DNAAF3: variants seen among roughly 807,000 people sequenced by gnomAD.
The protein encoded by DNAAF3 is dynein axonemal assembly factor 3, also known as UPF0470 protein C19orf51.
DNAAF3 carries 40 observed loss-of-function variants against 50.9 expected under a neutral mutation model. That is an observed-to-expected ratio of 0.79 (90% CI 0.61 to 1.02). The LOEUF (loss-of-function observed/expected upper bound fraction) is 1.02, where lower values mean the gene tolerates loss of function less well. Among genes scored for constraint, DNAAF3 ranks in the 50% least tolerant of loss-of-function variants. The pLI is 0.00. For missense variants in DNAAF3, 763 were observed against 744.7 expected (o/e 1.02, Z -0.29); for synonymous variants, 327 against 322.8 (o/e 1.01, Z -0.14).
intron 4 of DNAAF3, among the ~76,000 whole-genome samples, chr19:55,164,463 C>T (rs1025126110): frequency 1.1e-4 from 16 of 152,200 alleles, no homozygotes; most frequent in African/African-American, 3.4e-4. Flanking sequence ...ATCTGGGCAA[C>T]GGGACAAGAC....
intron 10 of DNAAF3, 123 bp from the exon 11 acceptor site, chr19:55,159,730 G>A: frequency 1.3e-6 from 2 of 1,575,194 alleles, no homozygotes; most frequent in Non-Finnish European, 1.7e-6. Context: ...CCTGGGGAAA[G>A]AAGGGAGCAG....
rs1254994795 is a variant in DNAAF3, at chr19:55,163,011, T to C, written c.323-721A>G. ...CTTTTCTTTTTCTTTTTTTTTTTTT[T>C]TTTTTTTTTTTTTTTTGAGACGGAG... On this transcript the variant is annotated intron_variant, in intron 4 of 11. Coordinates refer to ENST00000524407, the MANE Select transcript of DNAAF3 (RefSeq NM_001256715.2). 4.6e-3 allele frequency among the ~76,000 whole-genome samples: 512 copies of C among 111,586 alleles called. 4 individuals are homozygous for C. The highest frequency in any genetic ancestry group is 0.017 in the Middle Eastern group (4 of 240). 73.2% of individuals were successfully genotyped at this position (111,586 alleles called of 152,430 possible).
In DNAAF3 at chr19:55,161,768, C is replaced by T. The variant is rs924573034; in HGVS notation, c.538G>A (p.Gly180Arg). The T allele has an allele frequency of 2.0e-6, 3 of 1,510,332 alleles. No individual in the cohort carries two copies. The highest frequency in any genetic ancestry group is 2.2e-5 in the Admixed American group (1 of 46,408). The allele number at this position is 1,510,332 out of a possible 1,614,324, so 93.6% of individuals were successfully genotyped here. ...VFRFWAGGEK[G>R]PQAFPMSRLW... is the part of the protein sequence containing the mutation. ...CGGCTCATGGGGAACGCCTGGGGCC[C>T]TTTCTCGCCGCCAGCCCAGAAGCGG... The change falls in exon 6 of 12, where the codon GGG (glycine) becomes AGG (arginine). Residue 180 changes from glycine to arginine, a missense_variant. Transcript: ENST00000524407. This position sits in a 1 kb window ranked among gnomAD's most constrained non-coding sequence, Gnocchi z 6.4.
chr19:55,164,166 G>A (rs1015481200), intron 4 of DNAAF3, among the ~76,000 whole-genome samples: 1 of 152,128 alleles, frequency 6.6e-6, no homozygotes, highest in Non-Finnish European at 1.5e-5. Context: ...TACAGCCTGT[G>A]GAACTGTGAG....
Position 55,160,505 on chromosome 19 carries a change from G to T in DNAAF3, c.1048+135C>A. The T allele has an allele frequency of 1.4e-6, 2 of 1,452,538 alleles. No individual in the cohort carries two copies. The highest frequency in any genetic ancestry group is 1.9e-6 in the Non-Finnish European group (2 of 1,064,322). The allele number at this position is 1,452,538 out of a possible 1,614,324, so 90.0% of individuals were successfully genotyped here. ...GCTCTCAGAATTTAGGAAAGGGAGA[G>T]AAAGAGAGAAAAAGAGACAGAATAT... is the stretch of plus-strand genomic sequence containing the variant. On this transcript the variant is annotated intron_variant, in intron 9 of 11. Transcript: ENST00000524407. The surrounding 1 kb of genome is among the most constrained non-coding windows in gnomAD (Gnocchi z 4.7).
rs774354704 is a variant in DNAAF3 at position 55,159,449 on chromosome 19, C to T, written c.1239G>A (p.Arg413=). The change falls in exon 12 of 12, where the codon CGG becomes CGA. Residue 413 remains arginine (R), a splice_region_variant and synonymous_variant. Transcript: ENST00000524407. ...GCTCCTGCCGCACGTCCACCAGGTA[C>T]CTGCAGATGGGAAGCGCCCTGTCAG... is the stretch of plus-strand genomic sequence containing the variant. ...PGGNLIVELA[R]YLVDVRQEQL... 1 of 1,613,342 alleles carries T rather than the reference C, an allele frequency of 6.2e-7. No homozygotes were observed. Among genetic ancestry groups the T allele is most frequent in the South Asian group, 1.1e-5 (1 of 91,074 alleles).
Position 55,163,920 on chromosome 19 carries a change from G to A in DNAAF3, c.322+1450C>T, listed in dbSNP as rs151174538. Among the ~76,000 whole-genome samples the A allele has an allele frequency of 2.7e-3, 417 of 152,264 alleles. 3 individuals are homozygous for A. The highest frequency in any genetic ancestry group is 9.4e-3 in the African/African-American group (391 of 41,552). On this transcript the variant is annotated intron_variant, in intron 4 of 11. Coordinates refer to ENST00000524407, the MANE Select transcript of DNAAF3 (RefSeq NM_001256715.2). The stretch of plus-strand genomic sequence containing the variant: ...CCCTGCTTAAATCTCATGTTGAATT[G>A]TAATCCCCAATATTGGAGGCGGGGC...
In DNAAF3 at chr19:55,161,590, C is replaced by A. The variant is rs1448464342; in HGVS notation, c.663+53G>T. The A allele has an allele frequency of 1.3e-6, 2 of 1,493,152 alleles. No individual in the cohort carries two copies. The highest frequency in any genetic ancestry group is 2.8e-5 in the African/African-American group (2 of 71,364). The allele number at this position is 1,493,152 out of a possible 1,614,324, so 92.5% of individuals were successfully genotyped here. On this transcript the variant is annotated intron_variant, in intron 6 of 11. Transcript: ENST00000524407. The surrounding 1 kb of genome is among the most constrained non-coding windows in gnomAD (Gnocchi z 6.4). ...CAGACTCAGGAGGCCCCCAGCCCCT[C>A]CTCCCTCAGACCCAGGGGTCCAGGC... is the stretch of plus-strand genomic sequence containing the variant.
At position 55,161,011 on chromosome 19, in the gene DNAAF3, C is replaced by T; in HGVS notation, c.912+54G>A. On this transcript the variant is annotated intron_variant, in intron 8 of 11. Transcript: ENST00000524407. This position sits in a 1 kb window ranked among gnomAD's most constrained non-coding sequence, Gnocchi z 6.4. ...CCTGCTGTGGGGGCGGGGCCTTGCG[C>T]ACCCACCGACCCCCAGCCCCACCTC... The T allele has an allele frequency of 6.7e-7, 1 of 1,494,602 alleles. No individual in the cohort carries two copies. Among genetic ancestry groups the T allele is most frequent in the Non-Finnish European group, 8.9e-7 (1 of 1,123,534 alleles). The allele number at this position is 1,494,602 out of a possible 1,614,324, so 92.6% of individuals were successfully genotyped here.
intron 4 of DNAAF3, among the ~76,000 whole-genome samples, chr19:55,163,393 C>T (rs886127100): frequency 2.7e-5 from 4 of 149,226 alleles, no homozygotes; most frequent in African/African-American, 5.0e-5. Context: ...CTCCTGACCT[C>T]GTGATCTGCC....
intron 4 of DNAAF3, 44 bp from the exon 5 acceptor site, chr19:55,162,334 A>G: frequency 8.0e-7 from 1 of 1,248,278 alleles, no homozygotes; most frequent in Non-Finnish European, 1.0e-6. Context: ...TGGAGGAGGG[A>G]GCCCAGAAAT....
chr19:55,162,036 A>G, intron 5 of DNAAF3, 97 bp downstream of exon 5: 1 of 1,333,072 alleles, frequency 7.5e-7, no homozygotes, highest in South Asian at 2.0e-5. Context: ...CGAACCCCCT[A>G]GCCCGCCGCC....
At chr19:55,164,829 G>A (rs193146709) in intron 4 of DNAAF3, among the ~76,000 whole-genome samples, 1 of 151,896 alleles carries the variant, frequency 6.6e-6, no homozygotes, top group African/African-American at 2.4e-5. Flanking sequence ...AGCCTCTCCT[G>A]GAATTTTCTA....
intron 4 of DNAAF3, among the ~76,000 whole-genome samples, chr19:55,165,099 A>G (rs1444644411): frequency 4.3e-5 from 5 of 117,170 alleles, no homozygotes; most frequent in African/African-American, 3.4e-5. Flanking sequence ...GCGCGATCTC[A>G]GCTCACTGCA....
rs918071971 is a variant in DNAAF3, at chr19:55,159,351, C to T, written c.1337G>A (p.Arg446Lys). Residue 446 changes from arginine to lysine, a missense_variant, in exon 12 of 12, where the codon AGG becomes AAG. Coordinates refer to ENST00000524407, the MANE Select transcript of DNAAF3 (RefSeq NM_001256715.2). ...AAGFAPQTGA[R>K]PSETFARFCK... Reference sequence around the variant, plus strand: ...GAAACGTGCGAAGGTCTCTGAAGGCCTGGCCCCGGTCTGTGGAGCAAATCC... The same window carrying T: ...GAAACGTGCGAAGGTCTCTGAAGGCTTGGCCCCGGTCTGTGGAGCAAATCC... The T allele has an allele frequency of 6.2e-7, 1 of 1,614,206 alleles. No homozygotes were observed. Among genetic ancestry groups the T allele is most frequent in the Non-Finnish European group, 8.5e-7 (1 of 1,180,044 alleles).
chr19:55,161,815 C>G lies in DNAAF3; in HGVS notation c.491G>C (p.Arg164Pro), dbSNP rs771839338. 1 of 1,439,798 alleles carries G rather than the reference C, an allele frequency of 6.9e-7. No individual in the cohort carries two copies. The highest frequency in any genetic ancestry group is 9.1e-7 in the Non-Finnish European group (1 of 1,097,650). 89.2% of individuals were successfully genotyped at this position (1,439,798 alleles called of 1,614,324 possible). A position where few individuals can be genotyped will look rare whatever the true frequency, so the allele number is the denominator to read the frequency against. Residue 164 changes from arginine to proline, a missense_variant, in exon 6 of 12, where the codon CGG (arginine) becomes CCG (proline). Physicochemically the swap from Arg to Pro is moderately radical, Grantham distance 103. Coordinates refer to ENST00000524407, the MANE Select transcript of DNAAF3 (RefSeq NM_001256715.2). The surrounding 1 kb of genome is among the most constrained non-coding windows in gnomAD (Gnocchi z 6.4). ...LSLRALKFRE[R>P]DALEAVFRFW... ...GCGGAATACGGCCTCCAGGGCATCC[C>G]GCTCGCGGAACTGCGGGGCCAGGCA...
Position 55,161,368 on chromosome 19 carries a change from G to A in DNAAF3, c.714C>T (p.Val238=), listed in dbSNP as rs1264672206. Residue 238 remains valine, a synonymous_variant, in exon 7 of 12, where the codon GTC becomes GTT. Transcript: ENST00000524407. This position sits in a 1 kb window ranked among gnomAD's most constrained non-coding sequence, Gnocchi z 6.4. The part of the protein sequence containing the change: ...QEFRRWRDTG[V]AFELRDSSAY... ...CGCTGGAGTCCCTGAGTTCAAAGGC[G>A]ACGCCTGTGTCCCGCCAGCGTCGGA... The A allele has an allele frequency of 1.9e-6, 3 of 1,578,234 alleles. No homozygotes were observed. Among genetic ancestry groups the A allele is most frequent in the South Asian group, 1.1e-5 (1 of 90,314 alleles).
rs1034839797 is a variant in DNAAF3, at chr19:55,163,200, G to A, written c.323-910C>T. ...AATTTTTTGTATTTTTAGTAGAGAC[G>A]GGGTTTCACGTGTTAGCCAGGATGG... is the stretch of plus-strand genomic sequence containing the variant. On this transcript the variant is annotated intron_variant, in intron 4 of 11. Coordinates refer to ENST00000524407, the MANE Select transcript of DNAAF3 (RefSeq NM_001256715.2). Among the ~76,000 whole-genome samples the A allele has an allele frequency of 5.7e-4, 87 of 151,334 alleles. No individual in the cohort carries two copies. In the Middle Eastern group the frequency reaches 0.01, roughly 18 times the overall value.
chr19:55,166,397 C>G lies in DNAAF3; in HGVS notation c.17G>C (p.Gly6Ala), dbSNP rs1055113335. The G allele has an allele frequency of 3.1e-6, 5 of 1,613,846 alleles. No individual in the cohort carries two copies. The highest frequency in any genetic ancestry group is 4.2e-6 in the Non-Finnish European group (5 of 1,179,916). MTTPA[G>A]SGSGFGSVSW... ...CACGGAGCCGAAGCCGCTGCCGGAG[C>G]CGGCAGGTGTGGTCATCACCCTGCG... The change falls in exon 2 of 12, where the codon GGC (glycine) becomes GCC (alanine). Residue 6 changes from glycine (G) to alanine (A), a missense_variant. Physicochemically the swap from Gly to Ala is moderately conservative, Grantham distance 60 (BLOSUM62 0). Transcript: ENST00000524407. The surrounding 1 kb of genome is among the most constrained non-coding windows in gnomAD (Gnocchi z 4.0).
Sources: allele counts gnomAD v4.1 joint callset (sites outside exome capture counted in the v4.1 genomes callset), GRCh38; gene constraint gnomAD v4.1.1; non-coding constraint Gnocchi (gnomAD v3.1); transcripts MANE v1.5; gene names NCBI Gene and HGNC (gene_info 2026-07-23, HGNC 2026-07-21).